The following NUSAP1 variants were observed in gnomAD, a reference collection of about 807,000 sequenced individuals.
NUSAP1 encodes the protein nucleolar and spindle associated protein 1, also known as nucleolar and spindle-associated protein 1.
NUSAP1 carries 32 observed loss-of-function variants against 52.8 expected under a neutral mutation model. The ratio of observed to expected loss-of-function variants is 0.61; its 90% CI spans 0.46 to 0.81. The LOEUF is 0.81. Ranked by LOEUF, NUSAP1 falls within the 40% of genes least tolerant of loss-of-function variation. The pLI is 0.00. For missense variants in NUSAP1, 499 were observed against 522.3 expected, an observed-to-expected ratio of 0.96 and a Z score of 0.43; for synonymous variants, 195 against 183.1, an observed-to-expected ratio of 1.06 and a Z score of -0.52.
intron 7 of NUSAP1, among the ~76,000 whole-genome samples, chr15:41,370,182 C>G (rs1005712870): frequency 3.3e-5 from 5 of 149,854 alleles, no homozygotes; most frequent in Non-Finnish European, 5.9e-5. Context: ...GAGATCGAGA[C>G]CATCCTGGCT....
At chr15:41,335,279 T>TAC in intron 1 of NUSAP1, among the ~76,000 whole-genome samples, 1 of 143,420 alleles carries the variant, frequency 7.0e-6, no homozygotes, top group African/African-American at 2.6e-5. Flanking sequence ...ACTATATATA[T>TAC]TATTACTAGT....
intron 6 of NUSAP1, among the ~76,000 whole-genome samples, chr15:41,363,685 C>T (rs1190075593): frequency 2.0e-5 from 3 of 152,088 alleles, no homozygotes; most frequent in African/African-American, 7.2e-5. Flanking sequence ...TTTCTAGTCC[C>T]TGTATTTAAT....
At chr15:41,353,581 G>C (rs1379366432) in intron 4 of NUSAP1, among the ~76,000 whole-genome samples, 1 of 152,124 alleles carries the variant, frequency 6.6e-6, no homozygotes, top group Non-Finnish European at 1.5e-5. Flanking sequence ...TTAAGGATGA[G>C]AACTTTAGAA....
chr15:41,346,610 C>T (rs960717925), intron 2 of NUSAP1, among the ~76,000 whole-genome samples: 1 of 150,222 alleles, frequency 6.7e-6, no homozygotes, highest in Non-Finnish European at 1.5e-5. Flanking sequence ...GGGTGGATCA[C>T]GAGGTCAAGA....
At chr15:41,371,143 C>T (rs2049668562) in intron 7 of NUSAP1, among the ~76,000 whole-genome samples, 1 of 152,140 alleles carries the variant, frequency 6.6e-6, no homozygotes, top group Non-Finnish European at 1.5e-5. Flanking sequence ...TCTCACCACT[C>T]ACCTAGCATA....
chr15:41,370,083 AG>A (rs2049603914), intron 7 of NUSAP1, among the ~76,000 whole-genome samples: 2 of 151,128 alleles, frequency 1.3e-5, no homozygotes, highest in Admixed American at 1.3e-4. Flanking sequence ...AAAAGAAGAA[AG>A]AAAGAAAGAC....
intron 8 of NUSAP1, 148 bp downstream of exon 8, chr15:41,371,832 GGGATCTC>G: frequency 1.1e-6 from 1 of 899,018 alleles, no homozygotes; most frequent in African/African-American, 1.7e-5. Flanking sequence ...GTGTAATGGC[GGGATCTC>G]GGCTCACTGC....
intron 6 of NUSAP1, among the ~76,000 whole-genome samples, chr15:41,358,493 T>G (rs146205231): frequency 6.6e-6 from 1 of 152,252 alleles, no homozygotes; most frequent in East Asian, 1.9e-4. Flanking sequence ...TCCCCGCACT[T>G]TGGGAGGCCA....
rs537815201 is a variant in NUSAP1, at chr15:41,339,554, G to T, written c.94-2832G>T. Among the ~76,000 whole-genome samples, 78 of 151,976 alleles carry T rather than the reference G, an allele frequency of 5.1e-4. 2 individuals are homozygous for T. In the South Asian group the frequency reaches 0.015, roughly 30 times the overall value. ...GCCTCCCAAGTAGCTGGGATTACAGGCATGTGCCACCATGCCCAGCTAATT... is the reference window on the plus strand; with the variant it reads ...GCCTCCCAAGTAGCTGGGATTACAGTCATGTGCCACCATGCCCAGCTAATT... On this transcript the variant is annotated intron_variant, in intron 1 of 10. Coordinates refer to ENST00000559596, the MANE Select transcript of NUSAP1 (RefSeq NM_016359.5).
chr15:41,339,025 C>A (rs1270262607), intron 1 of NUSAP1, among the ~76,000 whole-genome samples: 1 of 151,978 alleles, frequency 6.6e-6, no homozygotes, highest in African/African-American at 2.4e-5. Flanking sequence ...TGACTTCCCT[C>A]ACATCTAAAA....
At chr15:41,365,616 C>T (rs1269456272) in intron 7 of NUSAP1, 27 bp downstream of exon 7, 2 of 1,547,216 alleles carry the variant, frequency 1.3e-6, no homozygotes, top group African/African-American at 1.4e-5. Flanking sequence ...AAAATGTAAT[C>T]ATGAACAAGA....
intron 4 of NUSAP1, among the ~76,000 whole-genome samples, chr15:41,351,776 C>T (rs753983918): frequency 2.6e-5 from 4 of 151,846 alleles, no homozygotes; most frequent in Non-Finnish European, 5.9e-5. Flanking sequence ...AGAGTGAGAC[C>T]CTATCTCAAA....
At chr15:41,379,915 CAAT>C (rs1329738696) in intron 10 of NUSAP1, among the ~76,000 whole-genome samples, 175 bp from the exon 11 acceptor site, 2 of 152,122 alleles carry the variant, frequency 1.3e-5, no homozygotes, top group African/African-American at 4.8e-5. Flanking sequence ...TTTAACACAA[CAAT>C]GACGAACAGG....
chr15:41,362,419 C>CT (rs71104787), intron 6 of NUSAP1, among the ~76,000 whole-genome samples: 6,003 of 131,018 alleles, frequency 0.046, 272 homozygotes, highest in African/African-American at 0.11. Flanking sequence ...TATTGTTTAT[C>CT]TTTTTTTTTT....
chr15:41,346,220 C>T (rs969500730), intron 2 of NUSAP1, among the ~76,000 whole-genome samples: 2 of 151,888 alleles, frequency 1.3e-5, no homozygotes, highest in Admixed American at 6.6e-5. Flanking sequence ...GGATTATAGG[C>T]GTGAGCCACC....
chr15:41,350,171 C>T (rs934372704), intron 3 of NUSAP1, among the ~76,000 whole-genome samples: 2 of 152,080 alleles, frequency 1.3e-5, no homozygotes, highest in Admixed American at 6.6e-5. Flanking sequence ...ATTTTAGGCA[C>T]GCACCGGCTC....
At chr15:41,366,492 G>C (rs1595586387) in intron 7 of NUSAP1, among the ~76,000 whole-genome samples, 1 of 151,890 alleles carries the variant, frequency 6.6e-6, no homozygotes, top group East Asian at 1.9e-4. Context: ...ATGTTGGCCA[G>C]GCTGGTCTTG....
chr15:41,356,566 C>T (rs1044338859), intron 5 of NUSAP1, among the ~76,000 whole-genome samples: 12 of 151,968 alleles, frequency 7.9e-5, no homozygotes, highest in Admixed American at 6.6e-4. Flanking sequence ...TGTTGGCCAG[C>T]ATGGTCTCAA....
At chr15:41,345,538 C>T in intron 2 of NUSAP1, 1 of 402,250 alleles carries the variant, frequency 2.5e-6, no homozygotes, top group South Asian at 1.8e-5. Flanking sequence ...CGGCTCACCG[C>T]AACCTCCACC....
Sources: gnomAD v4.1 joint callset for allele counts (sites outside exome capture counted in the v4.1 genomes callset) on GRCh38, gnomAD v4.1.1 for gene constraint, MANE v1.5 for transcripts, NCBI Gene and HGNC (gene_info 2026-07-23, HGNC 2026-07-21) for gene names.